The following ADRA1B variants were observed in gnomAD, a reference collection of about 807,000 sequenced individuals.
The protein encoded by ADRA1B is adrenoceptor alpha 1B.
Under a neutral mutation model 17.9 loss-of-function variants are expected in ADRA1B, and 17 were observed. The ratio of observed to expected loss-of-function variants is 0.95; its 90% CI spans 0.65 to 1.42. The LOEUF (loss-of-function observed/expected upper bound fraction) is 1.42, where lower values mean the gene tolerates loss of function less well. Ranked by LOEUF, ADRA1B falls within the 40% of genes most tolerant of loss-of-function variation. ADRA1B has a pLI of 0.00. For missense variants in ADRA1B, 681 were observed against 722.1 expected, an observed-to-expected ratio of 0.94 and a Z score of 0.65; for synonymous variants, 366 against 327.6, an observed-to-expected ratio of 1.12 and a Z score of -1.27.
At chr5:159,908,625 A>G (rs1459926621) in intron 1 of ADRA1B, among the ~76,000 whole-genome samples, 3 of 152,182 alleles carry the variant, frequency 2.0e-5, no homozygotes, top group Non-Finnish European at 2.9e-5. Flanking sequence ...TACAGCCCCA[A>G]TAAGCCTTTC....
chr5:159,971,749 G>C (rs1339841869), intron 1 of ADRA1B, 130 bp from the exon 2 acceptor site: 1 of 986,146 alleles, frequency 1.0e-6, no homozygotes, highest in Non-Finnish European at 1.4e-6. Context: ...AGAGGAACCG[G>C]CTCGGGGAAA....
chr5:159,941,350 G>A (rs1755120598), intron 1 of ADRA1B, among the ~76,000 whole-genome samples: 1 of 152,170 alleles, frequency 6.6e-6, no homozygotes, highest in African/African-American at 2.4e-5. Flanking sequence ...ATATGGCTGA[G>A]ATGTCTCAAG....
At chr5:159,959,407 T>G (rs924351312) in intron 1 of ADRA1B, among the ~76,000 whole-genome samples, 8 of 152,230 alleles carry the variant, frequency 5.3e-5, no homozygotes, top group African/African-American at 1.4e-4. Flanking sequence ...TTTTACACAT[T>G]CACTGTAACA....
intron 1 of ADRA1B, among the ~76,000 whole-genome samples, chr5:159,969,333 C>A (rs982592377): frequency 6.6e-6 from 1 of 152,224 alleles, no homozygotes; most frequent in African/African-American, 2.4e-5. Flanking sequence ...TACTGAGTTA[C>A]TGGGCAGAGA....
At chr5:159,914,554 G>A (rs1754259644), upstream of ADRA1B, among the ~76,000 whole-genome samples, 1 of 152,104 alleles carries the variant, frequency 6.6e-6, no homozygotes, top group Non-Finnish European at 1.5e-5. Flanking sequence ...CCATTTTCAG[G>A]ACTGTCTCTA....
intron 1 of ADRA1B, among the ~76,000 whole-genome samples, chr5:159,909,984 T>C (rs1754212544): frequency 2.0e-5 from 3 of 152,182 alleles, no homozygotes; most frequent in Non-Finnish European, 4.4e-5. Context: ...CAAAAAGTTT[T>C]AAGAACCACA....
chr5:159,977,689 G>A (rs1427833952), downstream of ADRA1B, among the ~76,000 whole-genome samples: 1 of 152,172 alleles, frequency 6.6e-6, no homozygotes, highest in Non-Finnish European at 1.5e-5. Context: ...AGCCGACTTG[G>A]CTGGAGTCAG....
At chr5:159,937,969 G>A (rs1336697667) in intron 1 of ADRA1B, among the ~76,000 whole-genome samples, 2 of 152,170 alleles carry the variant, frequency 1.3e-5, no homozygotes, top group African/African-American at 4.8e-5. Context: ...CCCCACTGGA[G>A]GCCAAAGCTT....
intron 1 of ADRA1B, among the ~76,000 whole-genome samples, chr5:159,884,498 C>A (rs928274851): frequency 6.6e-6 from 1 of 152,168 alleles, no homozygotes; most frequent in East Asian, 1.9e-4. Flanking sequence ...TGAGATAATA[C>A]AACAAGGAGG....
chr5:159,885,488 T>C (rs777252414), intron 1 of ADRA1B, among the ~76,000 whole-genome samples: 6 of 152,224 alleles, frequency 3.9e-5, no homozygotes, highest in Non-Finnish European at 8.8e-5. Flanking sequence ...AAAAGTTTCA[T>C]TTCAAATAGA....
chr5:159,916,905 G>T lies in ADRA1B; in HGVS notation c.-1G>T. The T allele has an allele frequency of 6.2e-7, 1 of 1,608,076 alleles. No homozygotes were observed. Among genetic ancestry groups the T allele is most frequent in the Non-Finnish European group, 8.5e-7 (1 of 1,176,814 alleles). ...CCTGGCTATGGAGGGCGGACTCTAA[G>T]ATGAATCCCGACCTGGACACCGGCC... On this transcript the variant is annotated 5_prime_UTR_variant, in exon 1 of 2. Coordinates refer to ENST00000306675, the MANE Select transcript of ADRA1B (RefSeq NM_000679.4).
At chr5:159,975,170 G>A (rs995378652), downstream of ADRA1B, among the ~76,000 whole-genome samples, 4 of 152,174 alleles carry the variant, frequency 2.6e-5, no homozygotes, top group Admixed American at 6.5e-5. Flanking sequence ...CAAATCTTAC[G>A]CAGAAATCTG....
chr5:159,908,714 G>A (rs988205491), intron 1 of ADRA1B, among the ~76,000 whole-genome samples: 5 of 152,154 alleles, frequency 3.3e-5, no homozygotes, highest in Admixed American at 6.5e-5. Context: ...AGTGTTGTTC[G>A]GAGAATTAAA....
intron 1 of ADRA1B, among the ~76,000 whole-genome samples, chr5:159,898,108 T>C (rs1754057891): frequency 6.6e-6 from 1 of 152,188 alleles, no homozygotes; most frequent in African/African-American, 2.4e-5. Flanking sequence ...GCCTGATCTG[T>C]GGTGTCTCTG....
chr5:159,888,372 C>G (rs1395523583), intron 1 of ADRA1B: 1 of 151,960 alleles, frequency 6.6e-6, no homozygotes, highest in South Asian at 2.1e-4. Flanking sequence ...ATAGTGCATA[C>G]GAGTTCCCCA....
At chr5:159,901,471 T>G (rs890849546) in intron 1 of ADRA1B, among the ~76,000 whole-genome samples, 1 of 149,254 alleles carries the variant, frequency 6.7e-6, no homozygotes, top group Non-Finnish European at 1.5e-5. Flanking sequence ...GAAGGAGAAT[T>G]TCTGAATACC....
intron 1 of ADRA1B, chr5:159,948,417 G>A: frequency 1.0e-6 from 1 of 985,354 alleles, no homozygotes; most frequent in Non-Finnish European, 1.2e-6. Context: ...ATGATTCAAA[G>A]CCACAAAGCG....
chr5:159,983,127 C>G, the ADRA1B span, among the ~76,000 whole-genome samples: 2 of 152,212 alleles, frequency 1.3e-5, no homozygotes, highest in Admixed American at 6.5e-5. Flanking sequence ...TCCCCTTCAA[C>G]CTGACCCAGG....
At chr5:159,875,425 T>C (rs962400305) in intron 1 of ADRA1B, among the ~76,000 whole-genome samples, 3 of 151,884 alleles carry the variant, frequency 2.0e-5, no homozygotes, top group Non-Finnish European at 2.9e-5. Context: ...CAAGGAAAAA[T>C]GAAACTCTGG....
Sources: allele counts gnomAD v4.1 joint callset (sites outside exome capture counted in the v4.1 genomes callset), GRCh38; gene constraint gnomAD v4.1.1; transcripts MANE v1.5; gene names NCBI Gene and HGNC (gene_info 2026-07-23, HGNC 2026-07-21).